Variants in CCDC195 observed in about 807,000 individuals in gnomAD.
The protein encoded by CCDC195 is coiled-coil domain containing 195.
chr2:224,704,304 T>C (rs985490002), intron 2 of CCDC195, among the ~76,000 whole-genome samples: 2 of 152,206 alleles, frequency 1.3e-5, no homozygotes, highest in Non-Finnish European at 1.5e-5. Context: ...ATTAACTGAA[T>C]ACACATCATG....
chr2:224,714,932 T>C (rs190895095), intron 1 of CCDC195, among the ~76,000 whole-genome samples: 4 of 152,158 alleles, frequency 2.6e-5, no homozygotes, highest in African/African-American at 4.8e-5. Context: ...TCTTTTTTTT[T>C]CCTTTTTTTC....
chr2:224,707,148 A>G (rs896989852), intron 2 of CCDC195, among the ~76,000 whole-genome samples: 1 of 152,204 alleles, frequency 6.6e-6, no homozygotes, highest in Admixed American at 6.5e-5. Flanking sequence ...AGATTATTTT[A>G]TAGCCTTCAG....
At chr2:224,706,561 A>G (rs1574755467) in intron 2 of CCDC195, among the ~76,000 whole-genome samples, 1 of 127,392 alleles carries the variant, frequency 7.8e-6, no homozygotes. Flanking sequence ...GCCAGGCTGG[A>G]GTGCAATGGC....
intron 1 of CCDC195, among the ~76,000 whole-genome samples, chr2:224,713,758 A>G: frequency 6.6e-6 from 1 of 152,084 alleles, no homozygotes; most frequent in East Asian, 1.9e-4. Flanking sequence ...TTATTTGTGC[A>G]ATAAGCAAGG....
rs1017236340 is a variant in CCDC195, at chr2:224,704,653, C to T, written c.483-766G>A. On this transcript the variant is annotated intron_variant, in intron 2 of 2. Coordinates refer to ENST00000638102, the Ensembl canonical transcript of CCDC195. The stretch of plus-strand genomic sequence containing the variant: ...TTTTTTTTTTTTTGAGACAGAGTCT[C>T]ATTCTGTCGCCCAGGCTGGAATGCA... Among the ~76,000 whole-genome samples the T allele has an allele frequency of 9.4e-5, 11 of 116,886 alleles. No homozygotes were observed. The Admixed American group carries it at 1.3e-3, about 14-fold the overall frequency. 76.7% of individuals were successfully genotyped at this position (116,886 alleles called of 152,430 possible).
intron 1 of CCDC195, among the ~76,000 whole-genome samples, chr2:224,713,280 C>T (rs16866127): frequency 0.15 from 23,004 of 152,102 alleles, 2,036 homozygotes; most frequent in East Asian, 0.28. Flanking sequence ...ATGCTCAAGT[C>T]AAATAATAAT....
intron 1 of CCDC195, among the ~76,000 whole-genome samples, chr2:224,711,766 A>G (rs965998112): frequency 1.3e-5 from 2 of 152,202 alleles, no homozygotes; most frequent in East Asian, 3.8e-4. Context: ...ACAGAAAATC[A>G]TTATGGTTAT....
chr2:224,710,370 C>T lies in CCDC195; in HGVS notation c.236-151G>A, dbSNP rs952134684. 4.1e-4 allele frequency among the ~76,000 whole-genome samples: 63 copies of T among 152,262 alleles called. 1 individual carries two copies. The highest frequency in any genetic ancestry group is 5.8e-4 in the East Asian group (3 of 5,174). On this transcript the variant is annotated intron_variant, in intron 1 of 2. Coordinates refer to ENST00000638102, the Ensembl canonical transcript of CCDC195. ...TAAAAGATATCCATTTGGCCTGGCGCGGTGGCTCACACCTGTAATCCCAGC... is the reference window on the plus strand; with the variant it reads ...TAAAAGATATCCATTTGGCCTGGCGTGGTGGCTCACACCTGTAATCCCAGC...
chr2:224,706,656 G>T (rs1181751428), intron 2 of CCDC195, among the ~76,000 whole-genome samples: 1 of 149,994 alleles, frequency 6.7e-6, no homozygotes. Flanking sequence ...GAATACAGGT[G>T]CCCACCACCA....
intron 2 of CCDC195, among the ~76,000 whole-genome samples, chr2:224,707,859 T>C (rs1286756052): frequency 1.3e-5 from 2 of 152,202 alleles, no homozygotes; most frequent in Admixed American, 1.3e-4. Flanking sequence ...GGAAAAGTTA[T>C]ATAAGACTTT....
intron 1 of CCDC195, among the ~76,000 whole-genome samples, chr2:224,713,422 T>G (rs1026102794): frequency 6.6e-6 from 1 of 152,156 alleles, no homozygotes; most frequent in East Asian, 1.9e-4. Context: ...ATTTTACAGA[T>G]GAAGAGAGTG....
At chr2:224,713,889 A>G (rs962819116) in intron 1 of CCDC195, among the ~76,000 whole-genome samples, 2 of 151,692 alleles carry the variant, frequency 1.3e-5, no homozygotes, top group Admixed American at 6.6e-5. Flanking sequence ...GCAGCCTCAA[A>G]GGAATCCTCC....
Position 224,710,225 on chromosome 2 carries a change from C to A in CCDC195, c.236-6G>T. 2.5e-6 allele frequency: 1 copy of A among 398,514 alleles called. No individual in the cohort carries two copies. The highest frequency in any genetic ancestry group is 1.3e-4 in the South Asian group (1 of 7,838). The allele number at this position is 398,514 out of a possible 1,614,324, so 24.7% of individuals were successfully genotyped here. On this transcript the variant is annotated splice_polypyrimidine_tract_variant and splice_region_variant and intron_variant, in intron 1 of 2. Transcript: ENST00000638102. ...TCTAACAATCATGACATTGCCTGTA[C>A]AAAAGACACAAAATCCAACTTAAAA...
chr2:224,707,990 C>T (rs57505090), intron 2 of CCDC195, among the ~76,000 whole-genome samples: 1 of 41,154 alleles, frequency 2.4e-5, no homozygotes, highest in Non-Finnish European at 4.4e-5. Context: ...CTCCCTCCCT[C>T]CCTCCCTCCC....
chr2:224,707,092 T>C (rs567608273), intron 2 of CCDC195, among the ~76,000 whole-genome samples: 147 of 152,248 alleles, frequency 9.7e-4, no homozygotes, highest in Non-Finnish European at 1.8e-3. Flanking sequence ...CTAGAAATCA[T>C]GTCCACTGTT....
At position 224,710,238 on chromosome 2, in the gene CCDC195, A is replaced by G. The variant is rs1689298768; in HGVS notation, c.236-19T>C. On this transcript the variant is annotated intron_variant, in intron 1 of 2. Transcript: ENST00000638102. ...ACATTGCCTGTACAAAAGACACAAA[A>G]TCCAACTTAAAAAAATTCTACCCTA... The G allele has an allele frequency of 2.5e-6, 1 of 398,558 alleles. No homozygotes were observed. Among genetic ancestry groups the G allele is most frequent in the Admixed American group, 4.4e-5 (1 of 22,736 alleles). The allele number at this position is 398,558 out of a possible 1,614,324, so 24.7% of individuals were successfully genotyped here. A position where few individuals can be genotyped will look rare whatever the true frequency, so the allele number is the denominator to read the frequency against.
At position 224,709,229 on chromosome 2, in the gene CCDC195, C is replaced by T. The variant is rs1267239842; in HGVS notation, c.482+744G>A. ...TCAGACTCCCAAGTAGCTGAGGCTACAGGCGCAGGCCACCATGCCTGGCTA... is the reference window on the plus strand; with the variant it reads ...TCAGACTCCCAAGTAGCTGAGGCTATAGGCGCAGGCCACCATGCCTGGCTA... On this transcript the variant is annotated intron_variant, in intron 2 of 2. Coordinates refer to ENST00000638102, the Ensembl canonical transcript of CCDC195. Among the ~76,000 whole-genome samples, 3 of 151,780 alleles carry T rather than the reference C, an allele frequency of 2.0e-5. No individual in the cohort carries two copies. In the East Asian group the frequency reaches 5.8e-4, roughly 29 times the overall value.
chr2:224,709,274 A>G (rs1379527751), intron 2 of CCDC195, among the ~76,000 whole-genome samples: 1 of 151,460 alleles, frequency 6.6e-6, no homozygotes, highest in Non-Finnish European at 1.5e-5. Context: ...TTTTTAGTAG[A>G]GACAGGGTTT....
chr2:224,705,938 GGTTCCCATA>G (rs1697235188), intron 2 of CCDC195, among the ~76,000 whole-genome samples: 1 of 151,982 alleles, frequency 6.6e-6, no homozygotes, highest in African/African-American at 2.4e-5. Flanking sequence ...ATGTTGGTTA[GGTTCCCATA>G]CTATCATAGA....
Sources: gnomAD v4.1 joint callset for allele counts (sites outside exome capture counted in the v4.1 genomes callset) on GRCh38, gnomAD v4.1.1 for gene constraint, MANE v1.5 for transcripts, NCBI Gene and HGNC (gene_info 2026-07-23, HGNC 2026-07-21) for gene names.